MTSS1: variants seen among roughly 807,000 people sequenced by gnomAD.
The protein encoded by MTSS1 is protein MTSS 1.
In MTSS1, 18 loss-of-function variants were observed where a neutral mutation model predicts 79.0. The ratio of observed to expected loss-of-function variants is 0.23; its 90% confidence interval spans 0.16 to 0.34. MTSS1 has a LOEUF of 0.34. MTSS1 is among the 10% of genes least tolerant of loss of function. MTSS1 has a pLI of 1.00. For missense variants in MTSS1, 815 were observed against 986.2 expected, an observed-to-expected ratio of 0.83 and a Z score of 2.33; for synonymous variants, 341 against 368.6, an observed-to-expected ratio of 0.93 and a Z score of 0.86.
chr8:124,606,804 T>A (rs1834964948), intron 3 of MTSS1, among the ~76,000 whole-genome samples: 1 of 152,130 alleles, frequency 6.6e-6, no homozygotes, highest in Admixed American at 6.5e-5. Context: ...GGCCATGAGT[T>A]CAGGGTGGAC....
intron 2 of MTSS1, among the ~76,000 whole-genome samples, chr8:124,700,304 T>A (rs1402119243): frequency 6.6e-6 from 1 of 151,976 alleles, no homozygotes. Context: ...TGCACATCAG[T>A]TGGGGGAAGG....
At chr8:124,713,851 G>A (rs757106819) in intron 1 of MTSS1, among the ~76,000 whole-genome samples, 17 of 151,870 alleles carry the variant, frequency 1.1e-4, no homozygotes, top group African/African-American at 3.9e-4. Flanking sequence ...AGGCCCAAGC[G>A]ATCCTCCTGC....
rs528940597 is a variant in MTSS1 at position 124,555,644 on chromosome 8, C to T, written c.1567+98G>A. 280 of 1,338,296 alleles carry T rather than the reference C, an allele frequency of 2.1e-4. 1 individual carries two copies. The African/African-American group carries it at 3.3e-3, about 16-fold the overall frequency. 82.9% of individuals were successfully genotyped at this position (1,338,296 alleles called of 1,614,324 possible). A position where few individuals can be genotyped will look rare whatever the true frequency, so the allele number is the denominator to read the frequency against. Reference sequence around the variant, plus strand: ...AACAATCCTGACACCTGTTAGTTAGCGAGTGGTGGGTTGTGGTTAAAATGG... The same window carrying T: ...AACAATCCTGACACCTGTTAGTTAGTGAGTGGTGGGTTGTGGTTAAAATGG... On this transcript the variant is annotated intron_variant, in intron 13 of 13. Transcript: ENST00000518547.
At chr8:124,647,687 C>A (rs1158619218) in intron 3 of MTSS1, among the ~76,000 whole-genome samples, 1 of 152,166 alleles carries the variant, frequency 6.6e-6, no homozygotes, top group Admixed American at 6.5e-5. Context: ...TAAATCATTT[C>A]TCACTTCTTC....
intron 3 of MTSS1, among the ~76,000 whole-genome samples, chr8:124,685,599 T>G (rs955875476): frequency 6.6e-6 from 1 of 151,950 alleles, no homozygotes; most frequent in Non-Finnish European, 1.5e-5. Flanking sequence ...GCATTCCGAG[T>G]GTGTGTGATG....
intron 5 of MTSS1, among the ~76,000 whole-genome samples, chr8:124,585,607 G>T (rs1166407898): frequency 6.6e-6 from 1 of 151,892 alleles, no homozygotes; most frequent in Non-Finnish European, 1.5e-5. Flanking sequence ...TAGAGATGGG[G>T]TTTCACCATG....
chr8:124,620,468 T>C (rs138270900), intron 3 of MTSS1, among the ~76,000 whole-genome samples: 222 of 152,242 alleles, frequency 1.5e-3, no homozygotes, highest in African/African-American at 4.9e-3. Context: ...CTCCCAAGGG[T>C]GTCTAGCAAG....
chr8:124,724,865 C>G (rs943675096), intron 1 of MTSS1, among the ~76,000 whole-genome samples: 1 of 152,220 alleles, frequency 6.6e-6, no homozygotes, highest in Non-Finnish European at 1.5e-5. Flanking sequence ...AACATCACTT[C>G]CAGACTACTG....
intron 3 of MTSS1, among the ~76,000 whole-genome samples, chr8:124,681,844 T>C (rs770512663): frequency 9.9e-4 from 150 of 152,190 alleles, no homozygotes; most frequent in Non-Finnish European, 6.5e-4. Context: ...CTATAATTGA[T>C]AGGAAGCCCA....
intron 3 of MTSS1, among the ~76,000 whole-genome samples, chr8:124,670,464 T>C (rs1823945237): frequency 7.1e-6 from 1 of 141,450 alleles, no homozygotes; most frequent in South Asian, 2.4e-4. Context: ...CAGGTATGGT[T>C]AGGGACTCCT....
intron 3 of MTSS1, among the ~76,000 whole-genome samples, chr8:124,617,626 C>T (rs1483017570): frequency 6.6e-6 from 1 of 152,136 alleles, no homozygotes; most frequent in Non-Finnish European, 1.5e-5. Context: ...GGGATCTCCA[C>T]AGATTGCCAT....
At chr8:124,680,451 C>T (rs1825947664) in intron 3 of MTSS1, among the ~76,000 whole-genome samples, 1 of 152,164 alleles carries the variant, frequency 6.6e-6, no homozygotes, top group African/African-American at 2.4e-5. Flanking sequence ...GCCTAGGCAG[C>T]TGAGTCCCAG....
chr8:124,596,937 G>A (rs931112650), intron 3 of MTSS1, among the ~76,000 whole-genome samples: 1 of 152,026 alleles, frequency 6.6e-6, no homozygotes, highest in South Asian at 2.1e-4. Flanking sequence ...TTGGATTAGG[G>A]CCCACCTTAA....
At chr8:124,581,179 C>T (rs1206488655) in intron 6 of MTSS1, among the ~76,000 whole-genome samples, 3 of 151,130 alleles carry the variant, frequency 2.0e-5, no homozygotes, top group Admixed American at 1.3e-4. Flanking sequence ...CCCTGCTGGG[C>T]GCAGTGGTGT....
intron 2 of MTSS1, among the ~76,000 whole-genome samples, chr8:124,701,686 G>T (rs1564021983): frequency 6.6e-6 from 1 of 152,168 alleles, no homozygotes; most frequent in Non-Finnish European, 1.5e-5. Context: ...AGTCACCAGG[G>T]CTCCACTGAA....
intron 3 of MTSS1, among the ~76,000 whole-genome samples, chr8:124,630,524 T>A (rs567276436): frequency 1.9e-4 from 29 of 152,306 alleles, no homozygotes; most frequent in Non-Finnish European, 2.6e-4. Flanking sequence ...ACCCACTGCA[T>A]CACCGCCCAC....
chr8:124,652,015 C>T (rs1820052215), intron 3 of MTSS1, among the ~76,000 whole-genome samples: 1 of 152,204 alleles, frequency 6.6e-6, no homozygotes, highest in South Asian at 2.1e-4. Context: ...AAGGCCACCT[C>T]TCCCCTCGGA....
intron 1 of MTSS1, among the ~76,000 whole-genome samples, chr8:124,718,397 A>G (rs557152630): frequency 1.3e-5 from 2 of 152,110 alleles, no homozygotes; most frequent in South Asian, 2.1e-4. Flanking sequence ...GGATGACCTC[A>G]GTCCCTCCAG....
At chr8:124,659,090 A>T (rs746764868) in intron 3 of MTSS1, among the ~76,000 whole-genome samples, 1 of 152,194 alleles carries the variant, frequency 6.6e-6, no homozygotes, top group African/African-American at 2.4e-5. Flanking sequence ...TAACCTGCCA[A>T]CTGAACTCAG....
Sources: gnomAD v4.1 joint callset for allele counts (sites outside exome capture counted in the v4.1 genomes callset) on GRCh38, gnomAD v4.1.1 for gene constraint, MANE v1.5 for transcripts, NCBI Gene and HGNC (gene_info 2026-07-23, HGNC 2026-07-21) for gene names.